RYR1: variants seen among roughly 807,000 people sequenced by gnomAD.
RYR1 encodes the protein central core disease of muscle.
A neutral mutation model predicts 583.5 loss-of-function variants in RYR1; 342 were observed. The ratio of observed to expected loss-of-function variants is 0.59; its 90% CI spans 0.54 to 0.64. The LOEUF (loss-of-function observed/expected upper bound fraction) is 0.64. RYR1 is among the 30% of genes least tolerant of loss of function. The pLI is 0.00. For missense variants in RYR1, 6,032 were observed against 6,917.2 expected, an observed-to-expected ratio of 0.87 and a Z score of 4.54; for synonymous variants, 2,791 against 2,822.5, an observed-to-expected ratio of 0.99 and a Z score of 0.35.
intron 42 of RYR1, among the ~76,000 whole-genome samples, chr19:38,498,674 T>C (rs575921726): frequency 6.6e-6 from 1 of 152,298 alleles, no homozygotes; most frequent in South Asian, 2.1e-4. Flanking sequence ...TTCTAAACCA[T>C]GTAGGGTAAC....
intron 71 of RYR1, among the ~76,000 whole-genome samples, chr19:38,526,443 C>G (rs907460384): frequency 2.0e-5 from 3 of 151,966 alleles, no homozygotes; most frequent in Non-Finnish European, 4.4e-5. Flanking sequence ...TCCCTCAGAA[C>G]CTCAGGCACC....
intron 99 of RYR1, 53 bp downstream of exon 99, chr19:38,578,257 G>A: frequency 6.3e-7 from 1 of 1,588,842 alleles, no homozygotes; most frequent in Non-Finnish European, 8.6e-7. Flanking sequence ...GGGGCGTTAG[G>A]AGGGTTCCCA....
intron 87 of RYR1, among the ~76,000 whole-genome samples, chr19:38,545,697 G>A (rs968607994): frequency 6.6e-6 from 1 of 152,134 alleles, no homozygotes; most frequent in Non-Finnish European, 1.5e-5. Context: ...CTGTAATCCA[G>A]CTACTCGAGA....
chr19:38,465,059 A>G (rs1968022098), intron 23 of RYR1, among the ~76,000 whole-genome samples: 1 of 152,054 alleles, frequency 6.6e-6, no homozygotes, highest in Non-Finnish European at 1.5e-5. Flanking sequence ...AGGTCGTTGG[A>G]GTCGTCTAAG....
intron 24 of RYR1, 131 bp downstream of exon 24, chr19:38,466,529 G>C: frequency 1.1e-6 from 1 of 884,550 alleles, no homozygotes; most frequent in Non-Finnish European, 1.7e-6. Flanking sequence ...TTTTGAGACG[G>C]AGTCTCGCTG....
intron 47 of RYR1, among the ~76,000 whole-genome samples, chr19:38,501,313 C>T (rs1321013784): frequency 3.3e-5 from 5 of 152,020 alleles, no homozygotes; most frequent in Non-Finnish European, 7.4e-5. Flanking sequence ...GCCTGACCAA[C>T]ATGGTGAAAC....
Position 38,545,180 on chromosome 19 carries a change from C to T in RYR1, c.12013-1265C>T, listed in dbSNP as rs549999277. 3.0e-3 allele frequency among the ~76,000 whole-genome samples: 452 copies of T among 152,242 alleles called. 2 individuals carry two copies. The highest frequency in any genetic ancestry group is 0.01 in the African/African-American group (429 of 41,526). On this transcript the variant is annotated intron_variant, in intron 87 of 105. Transcript: ENST00000359596. ...AAAGAAAGCTTTGACTGACCAGGCCCGGTCATATACCCACCTATAGAACCA... is the reference window on the plus strand; with the variant it reads ...AAAGAAAGCTTTGACTGACCAGGCCTGGTCATATACCCACCTATAGAACCA...
At chr19:38,573,660 A>G (rs546439965) in intron 96 of RYR1, among the ~76,000 whole-genome samples, 1 of 151,872 alleles carries the variant, frequency 6.6e-6, no homozygotes, top group Admixed American at 6.6e-5. Flanking sequence ...AGCCTGGGCA[A>G]CAAGAGTGAA....
chr19:38,473,235 C>G, intron 27 of RYR1, 142 bp from the exon 28 acceptor site: 1 of 1,064,772 alleles, frequency 9.4e-7, no homozygotes, highest in African/African-American at 1.6e-5. Flanking sequence ...CTTCATCCCC[C>G]TGCAGGAGTG....
At chr19:38,523,814 G>A in intron 69 of RYR1, 101 bp from the exon 70 acceptor site, 1 of 1,475,638 alleles carries the variant, frequency 6.8e-7, no homozygotes, top group Non-Finnish European at 9.5e-7. Context: ...ATGGCGGGTG[G>A]GGCAGAGGAG....
Position 38,510,772 on chromosome 19 carries a change from T to A in RYR1, c.9113T>A (p.Met3038Lys). 1 of 1,614,134 alleles carries A rather than the reference T, an allele frequency of 6.2e-7. No individual in the cohort carries two copies. Among genetic ancestry groups the A allele is most frequent in the African/African-American group, 1.3e-5 (1 of 75,046 alleles). Residue 3038 changes from methionine (M) to lysine (K), a missense_variant, in exon 60 of 106, where the codon ATG (methionine) becomes AAG (lysine). Physicochemically the swap from Met to Lys is moderately conservative, Grantham distance 95. Transcript: ENST00000359596. ...CACGCCTCTAACAAGGAGAAGGAAA[T>A]GATCACCAGGTGGGCCGCCTGTGAC... ...GGHASNKEKE[M>K]ITSLFCKLAA...
rs147682292 is a variant in RYR1, at chr19:38,482,426, G to A, written c.4621-601G>A. On this transcript the variant is annotated intron_variant, in intron 31 of 105. Coordinates refer to ENST00000359596, the MANE Select transcript of RYR1 (RefSeq NM_000540.3). ...TGGGCTCCACTGGGAAGACGGGAGA[G>A]GGGCAAGACAGTCTGAGGACACTTC... Among the ~76,000 whole-genome samples the A allele has an allele frequency of 4.6e-5, 7 of 152,188 alleles. No individual in the cohort carries two copies. The East Asian group carries it at 1.4e-3, about 29-fold the overall frequency.
rs2145895167 is a variant in RYR1, at chr19:38,580,051, G to T, written c.14434G>T (p.Ala4812Ser). The T allele has an allele frequency of 1.2e-6, 2 of 1,614,148 alleles. No individual in the cohort carries two copies. Among genetic ancestry groups the T allele is most frequent in the East Asian group, 4.5e-5 (2 of 44,880 alleles). Residue 4812 changes from alanine (A) to serine (S), a missense_variant, in exon 100 of 106, where the codon GCC becomes TCC. By Grantham distance (99) the Ala-to-Ser change is moderately conservative. This residue lies in a region of RYR1 where 189 missense variants were observed against 350.3 expected (regional missense o/e 0.54). Transcript: ENST00000359596. ...ACACTACAACAACTTCTTCTTTGCT[G>T]CCCATCTCCTGGACATCGCCATGGG... ...LGHYNNFFFA[A>S]HLLDIAMGVK...
intron 16 of RYR1, among the ~76,000 whole-genome samples, chr19:38,456,145 T>C (rs1055473181): frequency 1.2e-5 from 1 of 81,700 alleles, no homozygotes; most frequent in East Asian, 3.4e-4. Context: ...CTAATTTTTG[T>C]ATTTTTTTTT....
rs2229147 is a variant in RYR1, at chr19:38,499,705, C to T, written c.7098C>T (p.Pro2366=). The T allele has an allele frequency of 0.063, 100,217 of 1,600,814 alleles. 4,028 individuals are homozygous for T. Among genetic ancestry groups the T allele is most frequent in the African/African-American group, 0.17 (13,019 of 74,938 alleles). ...TCCGGAAGCCTGAGTGCTTCGGACC[C>T]GCCCTGCGGGGTGAGGGTGGCTCAG... ...LLIRKPECFG[P]ALRGEGGSGL... The change falls in exon 44 of 106, where the codon CCC becomes CCT. Residue 2366 remains proline (P), a synonymous_variant. Coordinates refer to ENST00000359596, the MANE Select transcript of RYR1 (RefSeq NM_000540.3). The surrounding 1 kb of genome is among the most constrained non-coding windows in gnomAD (Gnocchi z 7.3).
rs780237633 is a variant in RYR1 at position 38,585,021 on chromosome 19, G to A, written c.14725G>A (p.Glu4909Lys). Residue 4909 changes from glutamate to lysine, a missense_variant, in exon 102 of 106, where the codon GAA (glutamate) becomes AAA (lysine). By Grantham distance (56) the Glu-to-Lys change is moderately conservative. This residue lies in a region of RYR1 where 189 missense variants were observed against 350.3 expected (regional missense o/e 0.54). Transcript: ENST00000359596. The part of the protein sequence containing the change: ...GDEIEDPAGD[E>K]YELYRVVFDI... ...CGAGATCGAGGACCCCGCGGGTGACGAATACGAGCTCTACAGGGTGGTCTT... is the reference window on the plus strand; with the variant it reads ...CGAGATCGAGGACCCCGCGGGTGACAAATACGAGCTCTACAGGGTGGTCTT... 2 of 1,614,052 alleles carry A rather than the reference G, an allele frequency of 1.2e-6. No homozygotes were observed. The highest frequency in any genetic ancestry group is 2.2e-5 in the South Asian group (2 of 91,076).
Position 38,523,012 on chromosome 19 carries a change from C to T in RYR1, c.10260-16C>T, listed in dbSNP as rs750098237. The T allele has an allele frequency of 6.4e-7, 1 of 1,569,712 alleles. No individual in the cohort carries two copies. Among genetic ancestry groups the T allele is most frequent in the South Asian group, 1.2e-5 (1 of 86,508 alleles). On this transcript the variant is annotated splice_polypyrimidine_tract_variant and intron_variant, in intron 67 of 105. Coordinates refer to ENST00000359596, the MANE Select transcript of RYR1 (RefSeq NM_000540.3). ...GATCCCCACCCCCTCCCTCACCTCC[C>T]CTCCGCTGACCCCAGGGCGCAGTGG...
chr19:38,565,275 G>A lies in RYR1; in HGVS notation c.12941G>A (p.Arg4314Gln). 4.0e-6 allele frequency: 4 copies of A among 997,312 alleles called. No individual in the cohort carries two copies. Among genetic ancestry groups the A allele is most frequent in the Non-Finnish European group, 4.8e-6 (4 of 839,488 alleles). 61.8% of individuals were successfully genotyped at this position (997,312 alleles called of 1,614,324 possible). A position where few individuals can be genotyped will look rare whatever the true frequency, so the allele number is the denominator to read the frequency against. The part of the protein sequence containing the change: ...ALRGLSYRSL[R>Q]RRVRRLRRLT... ...CGAGGCCTCAGCTACCGCAGCCTGC[G>A]GCGGCGCGTGCGGCGGCTGCGGCGG... is the stretch of plus-strand genomic sequence containing the variant. Residue 4314 changes from arginine (R) to glutamine (Q), a missense_variant, in exon 91 of 106, where the codon CGG becomes CAG. Arg to Gln is a conservative substitution (Grantham distance 43). Coordinates refer to ENST00000359596, the MANE Select transcript of RYR1 (RefSeq NM_000540.3). This position sits in a 1 kb window ranked among gnomAD's most constrained non-coding sequence, Gnocchi z 4.7.
chr19:38,558,701 C>T (rs1329084893), intron 89 of RYR1, among the ~76,000 whole-genome samples: 1 of 152,198 alleles, frequency 6.6e-6, no homozygotes, highest in African/African-American at 2.4e-5. Context: ...ATCGCTTGAA[C>T]CCTGGAGGCA....
Sources: gnomAD v4.1 joint callset for allele counts (sites outside exome capture counted in the v4.1 genomes callset) on GRCh38, gnomAD v4.1.1 for gene constraint, gnomAD v4.1.1 regional missense constraint, Gnocchi (gnomAD v3.1) non-coding constraint, MANE v1.5 for transcripts, NCBI Gene and HGNC (gene_info 2026-07-23, HGNC 2026-07-21) for gene names.